FDX1: variants seen among roughly 807,000 people sequenced by gnomAD.
FDX1 encodes adrenodoxin, mitochondrial.
In FDX1, 9 loss-of-function variants were observed where a neutral mutation model predicts 14.9. That is an observed-to-expected ratio of 0.60 (90% CI 0.36 to 1.05). The LOEUF (loss-of-function observed/expected upper bound fraction) is 1.05, where lower values mean the gene tolerates loss of function less well. Ranked by LOEUF, FDX1 falls within the 50% of genes least tolerant of loss-of-function variation. FDX1 has a pLI of 0.01. For missense variants in FDX1, 204 were observed against 237.2 expected, an observed-to-expected ratio of 0.86 and a Z score of 0.92; for synonymous variants, 92 against 99.4, an observed-to-expected ratio of 0.93 and a Z score of 0.44.
At chr11:110,461,981 A>G (rs1263581740) in intron 3 of FDX1, among the ~76,000 whole-genome samples, 1 of 152,248 alleles carries the variant, frequency 6.6e-6, no homozygotes, top group African/African-American at 2.4e-5. Context: ...TTAATTATCT[A>G]GGAATTGATT....
chr11:110,444,706 G>GTATATATATATATATACGTATATA (rs1565381963), intron 2 of FDX1, among the ~76,000 whole-genome samples: 3 of 30,844 alleles, frequency 9.7e-5, no homozygotes, highest in Admixed American at 8.2e-4. Flanking sequence ...ATATATATAC[G>GTATATATATATATATACGTATATA]TATATATATA....
intron 2 of FDX1, among the ~76,000 whole-genome samples, chr11:110,439,707 T>G (rs2134678203): frequency 6.6e-6 from 1 of 152,348 alleles, no homozygotes; most frequent in South Asian, 2.1e-4. Context: ...TTTTTGTTTT[T>G]GTTGCAATTG....
At chr11:110,447,353 C>G (rs1946458055) in intron 2 of FDX1, among the ~76,000 whole-genome samples, 1 of 148,218 alleles carries the variant, frequency 6.7e-6, no homozygotes, top group South Asian at 2.1e-4. Context: ...ACTTGGGAGG[C>G]TGAGGCAGGA....
At chr11:110,446,412 T>TAAG (rs1368310644) in intron 2 of FDX1, among the ~76,000 whole-genome samples, 1 of 152,228 alleles carries the variant, frequency 6.6e-6, no homozygotes, top group African/African-American at 2.4e-5. Context: ...TCATCCGTTC[T>TAAG]GTGACCTTAA....
chr11:110,448,146 AC>A (rs1275493817), intron 2 of FDX1, among the ~76,000 whole-genome samples: 1 of 151,824 alleles, frequency 6.6e-6, no homozygotes, highest in Non-Finnish European at 1.5e-5. Context: ...GATTCAACTT[AC>A]CTAGTTTACT....
chr11:110,433,223 G>A (rs948891274), intron 1 of FDX1, among the ~76,000 whole-genome samples: 6 of 152,214 alleles, frequency 3.9e-5, no homozygotes, highest in Non-Finnish European at 7.3e-5. Flanking sequence ...CCAGGCATTC[G>A]TTGATGTCAA....
chr11:110,441,247 C>T (rs943664799), intron 2 of FDX1, among the ~76,000 whole-genome samples: 2 of 152,156 alleles, frequency 1.3e-5, no homozygotes, highest in Admixed American at 1.3e-4. Context: ...ACTAATAAAG[C>T]AAATTGGTAC....
At chr11:110,444,721 TAC>T (rs1238940241) in intron 2 of FDX1, among the ~76,000 whole-genome samples, 4 of 53,054 alleles carry the variant, frequency 7.5e-5, no homozygotes, top group South Asian at 5.4e-4. Context: ...TATATATATA[TAC>T]GTATATATAT....
chr11:110,434,298 A>G (rs553477216), intron 1 of FDX1, among the ~76,000 whole-genome samples: 1 of 150,864 alleles, frequency 6.6e-6, no homozygotes, highest in South Asian at 2.1e-4. Flanking sequence ...CAGCAGTAGT[A>G]TTCTATGTAG....
chr11:110,454,041 T>C (rs1272264851), intron 2 of FDX1, among the ~76,000 whole-genome samples: 1 of 152,218 alleles, frequency 6.6e-6, no homozygotes, highest in African/African-American at 2.4e-5. Context: ...GGATCATGAA[T>C]GTGATGTGTT....
At chr11:110,442,574 T>G (rs1188256809) in intron 2 of FDX1, among the ~76,000 whole-genome samples, 1 of 152,176 alleles carries the variant, frequency 6.6e-6, no homozygotes, top group Non-Finnish European at 1.5e-5. Context: ...TTTTGACCGA[T>G]TTCTCCCATT....
At chr11:110,432,259 A>T (rs1946336661) in intron 1 of FDX1, among the ~76,000 whole-genome samples, 2 of 152,132 alleles carry the variant, frequency 1.3e-5, no homozygotes, top group Non-Finnish European at 1.5e-5. Context: ...GGTAGCAAAG[A>T]TCTTTCACGT....
chr11:110,461,061 T>C (rs1946553413), intron 3 of FDX1, among the ~76,000 whole-genome samples: 1 of 152,260 alleles, frequency 6.6e-6, no homozygotes. Flanking sequence ...AGATTAACAT[T>C]TCTTTTTATA....
Position 110,462,461 on chromosome 11 carries a change from C to A in FDX1, c.548C>A (p.Thr183Asn), listed in dbSNP as rs756400585. The A allele has an allele frequency of 3.5e-5, 48 of 1,390,632 alleles. No individual in the cohort carries two copies. The South Asian group carries it at 5.5e-4, about 16-fold the overall frequency. 86.1% of individuals were successfully genotyped at this position (1,390,632 alleles called of 1,614,324 possible). A position where few individuals can be genotyped will look rare whatever the true frequency, so the allele number is the denominator to read the frequency against. Reference protein sequence around the residue: ...DARQSIDVGKTS With the variant: ...DARQSIDVGKNS The stretch of plus-strand genomic sequence containing the variant: ...AGACAATCCATTGATGTGGGCAAGA[C>A]CTCCTGAACTAGAACAAATAGGAAT... The change falls in exon 4 of 4, where the codon ACC (threonine) becomes AAC (asparagine). Residue 183 changes from threonine (T) to asparagine (N), a missense_variant. Thr to Asn is a moderately conservative substitution (Grantham distance 65). Transcript: ENST00000260270.
chr11:110,456,859 C>G, intron 2 of FDX1, 59 bp from the exon 3 acceptor site: 4 of 1,523,378 alleles, frequency 2.6e-6, no homozygotes, highest in South Asian at 2.6e-5. Context: ...CTTTACTGAA[C>G]CAGGTATGAA....
rs1039099448 is a variant in FDX1 at position 110,464,243 on chromosome 11, T to A, written c.*1775T>A. The A allele has an allele frequency of 1.3e-4, 19 of 151,972 alleles. No individual in the cohort carries two copies. The highest frequency in any genetic ancestry group is 1.1e-3 in the Admixed American group (17 of 15,250). The allele number at this position is 151,972 out of a possible 1,614,324, so 9.4% of individuals were successfully genotyped here. On this transcript the variant is annotated 3_prime_UTR_variant, in exon 4 of 4. Coordinates refer to ENST00000260270, the MANE Select transcript of FDX1 (RefSeq NM_004109.5). ...TATTGAATGCTTTCTATGTGGAGAG[T>A]GCTTGTCTTAATTTTCTGTTGCTAT...
chr11:110,448,172 T>G (rs1411326406), intron 2 of FDX1, among the ~76,000 whole-genome samples: 1 of 152,158 alleles, frequency 6.6e-6, no homozygotes, highest in African/African-American at 2.4e-5. Flanking sequence ...AGACATTTTT[T>G]TCTTCAATAT....
At chr11:110,437,694 A>G (rs76650758) in intron 2 of FDX1, among the ~76,000 whole-genome samples, 25,461 of 152,092 alleles carry the variant, frequency 0.17, 2,224 homozygotes, top group East Asian at 0.25. Context: ...GGTTTGTTAA[A>G]TGGATGTATC....
intron 2 of FDX1, among the ~76,000 whole-genome samples, chr11:110,448,056 T>C (rs552490692): frequency 3.3e-5 from 5 of 152,352 alleles, no homozygotes; most frequent in African/African-American, 4.8e-5. Context: ...TATATTAATA[T>C]AGATCTTTTG....
Sources: gnomAD v4.1 joint callset for allele counts (sites outside exome capture counted in the v4.1 genomes callset) on GRCh38, gnomAD v4.1.1 for gene constraint, MANE v1.5 for transcripts, NCBI Gene and HGNC (gene_info 2026-07-23, HGNC 2026-07-21) for gene names.